Variants in RASEF observed in about 807,000 individuals in gnomAD.
RASEF encodes RAS and EF-hand domain containing, also known as ras and EF-hand domain-containing protein.
A neutral mutation model predicts 90.1 loss-of-function variants in RASEF; 68 were observed. That is an observed-to-expected ratio of 0.75 (90% CI 0.62 to 0.92). The LOEUF is 0.92. RASEF is among the 40% of genes least tolerant of loss of function. The pLI is 0.00. For missense variants in RASEF, 949 were observed against 937.2 expected, an observed-to-expected ratio of 1.01 and a Z score of -0.16; for synonymous variants, 331 against 345.2, an observed-to-expected ratio of 0.96 and a Z score of 0.46.
chr9:83,118,842 A>T, the RASEF span, among the ~76,000 whole-genome samples: 1 of 152,208 alleles, frequency 6.6e-6, no homozygotes, highest in Non-Finnish European at 1.5e-5. Context: ...ATTTATCACC[A>T]AATATAATAG....
At chr9:83,213,624 G>C in the RASEF span, among the ~76,000 whole-genome samples, 1 of 151,914 alleles carries the variant, frequency 6.6e-6, no homozygotes, top group South Asian at 2.1e-4. Context: ...CTACTTTAAG[G>C]CTAAAGCTTC....
At chr9:83,013,800 GA>G (rs1473213773) in intron 4 of RASEF, among the ~76,000 whole-genome samples, 1 of 152,180 alleles carries the variant, frequency 6.6e-6, no homozygotes, top group Non-Finnish European at 1.5e-5. Context: ...TTTAAATCAT[GA>G]AAAAGAGCTT....
the RASEF span, among the ~76,000 whole-genome samples, chr9:83,211,067 A>G: frequency 2.6e-5 from 4 of 152,232 alleles, no homozygotes; most frequent in Non-Finnish European, 5.9e-5. Flanking sequence ...CTCATACTCC[A>G]TTCAATATTC....
At chr9:83,163,835 G>C in the RASEF span, among the ~76,000 whole-genome samples, 9 of 151,836 alleles carry the variant, frequency 5.9e-5, no homozygotes, top group Admixed American at 5.3e-4. Flanking sequence ...TTTCCCCAAA[G>C]TAATGTCATA....
At chr9:83,158,421 T>A in the RASEF span, among the ~76,000 whole-genome samples, 1 of 151,622 alleles carries the variant, frequency 6.6e-6, no homozygotes, top group Non-Finnish European at 1.5e-5. Context: ...AAGAATTTTA[T>A]GAGGGAGAAA....
At chr9:83,154,126 C>G in the RASEF span, among the ~76,000 whole-genome samples, 11 of 152,284 alleles carry the variant, frequency 7.2e-5, no homozygotes, top group Non-Finnish European at 1.5e-4. Flanking sequence ...AGATAGCAGA[C>G]CCAAGTTCTA....
chr9:83,150,120 C>T, the RASEF span, among the ~76,000 whole-genome samples: 1 of 152,200 alleles, frequency 6.6e-6, no homozygotes, highest in Non-Finnish European at 1.5e-5. Context: ...ACTGTACTCA[C>T]TATTCCAGCT....
intron 12 of RASEF, among the ~76,000 whole-genome samples, chr9:82,999,122 T>G (rs1828976579): frequency 6.6e-6 from 1 of 152,168 alleles, no homozygotes; most frequent in Non-Finnish European, 1.5e-5. Context: ...CAGTCTGTTC[T>G]AACATTTCGG....
chr9:83,023,001 T>G (rs1282870497), intron 2 of RASEF, among the ~76,000 whole-genome samples: 1 of 152,200 alleles, frequency 6.6e-6, no homozygotes, highest in African/African-American at 2.4e-5. Context: ...AAAATGATAT[T>G]AAACTAGATT....
chr9:83,033,806 T>C (rs1344375956), intron 1 of RASEF, among the ~76,000 whole-genome samples: 1 of 152,216 alleles, frequency 6.6e-6, no homozygotes, highest in Non-Finnish European at 1.5e-5. Flanking sequence ...AGGTAAATTA[T>C]AGACAACTAA....
At chr9:83,007,604 G>T (rs931971636) in intron 6 of RASEF, 99 bp from the exon 7 acceptor site, 50 of 867,312 alleles carry the variant, frequency 5.8e-5, no homozygotes, top group Non-Finnish European at 8.1e-5. Flanking sequence ...TTTCAAAGAC[G>T]AGTGTCCTTG....
intron 15 of RASEF, 101 bp downstream of exon 15, chr9:82,992,805 A>G (rs543443921): frequency 7.8e-7 from 1 of 1,287,074 alleles, no homozygotes; most frequent in South Asian, 1.4e-5. Flanking sequence ...AGGTTTGTCA[A>G]AGGACCTCTC....
chr9:83,040,386 A>G (rs1267298125), intron 1 of RASEF, among the ~76,000 whole-genome samples: 1 of 152,222 alleles, frequency 6.6e-6, no homozygotes, highest in Non-Finnish European at 1.5e-5. Context: ...TGTTAATAAC[A>G]TATATGTGAG....
chr9:82,988,166 GT>G (rs775993527), intron 16 of RASEF, among the ~76,000 whole-genome samples: 19 of 152,220 alleles, frequency 1.2e-4, no homozygotes, highest in Non-Finnish European at 2.1e-4. Flanking sequence ...CAATCCAACA[GT>G]TATTTGATCT....
intron 9 of RASEF, among the ~76,000 whole-genome samples, chr9:83,003,054 C>A (rs975503928): frequency 1.1e-4 from 17 of 151,890 alleles, no homozygotes; most frequent in African/African-American, 3.9e-4. Flanking sequence ...AGAGTTCTTG[C>A]GAAGAACAAA....
At chr9:83,194,051 C>A in the RASEF span, among the ~76,000 whole-genome samples, 1 of 152,106 alleles carries the variant, frequency 6.6e-6, no homozygotes, top group African/African-American at 2.4e-5. Flanking sequence ...TTCCTATATA[C>A]CCCTCCCTTT....
the RASEF span, among the ~76,000 whole-genome samples, chr9:83,197,847 G>C: frequency 6.6e-5 from 10 of 152,180 alleles, no homozygotes; most frequent in Non-Finnish European, 1.3e-4. Flanking sequence ...CATAAGCACC[G>C]GGATAAATCC....
chr9:83,008,897 T>TC lies in RASEF; in HGVS notation c.959+743_959+744insG, dbSNP rs1236730429. ...CTAAATTTGAAGTTCTCATCATATA[T>TC]ATATATATATATATATATATATATA... On this transcript the variant is annotated intron_variant, in intron 6 of 16. Coordinates refer to ENST00000376447, the MANE Select transcript of RASEF (RefSeq NM_152573.4). Among the ~76,000 whole-genome samples, 329 of 97,874 alleles carry TC rather than the reference T, an allele frequency of 3.4e-3. 41 individuals are homozygous for TC. In the East Asian group the frequency reaches 0.062, roughly 18 times the overall value. The allele number at this position is 97,874 out of a possible 152,430, so 64.2% of individuals were successfully genotyped here.
chr9:83,145,362 A>G, the RASEF span, among the ~76,000 whole-genome samples: 1 of 152,142 alleles, frequency 6.6e-6, no homozygotes, highest in Admixed American at 6.6e-5. Flanking sequence ...TTTTGAATTA[A>G]TTTCAGTCTT....
Sources: gnomAD v4.1 joint callset for allele counts (sites outside exome capture counted in the v4.1 genomes callset) on GRCh38, gnomAD v4.1.1 for gene constraint, MANE v1.5 for transcripts, NCBI Gene and HGNC (gene_info 2026-07-23, HGNC 2026-07-21) for gene names.